The following RYR2 variants were observed in gnomAD, a reference collection of about 807,000 sequenced individuals.
RYR2 encodes ryanodine receptor 2, also known as cardiac muscle ryanodine receptor-calcium release channel.
In RYR2, 227 loss-of-function variants were observed where a neutral mutation model predicts 601.1. That is an observed-to-expected ratio of 0.38 (90% confidence interval 0.34 to 0.42). The LOEUF is 0.42. RYR2 is among the 10% of genes least tolerant of loss of function. RYR2 has a pLI of 1.00. For synonymous variants in RYR2, 2,223 were observed against 2,175.1 expected, an observed-to-expected ratio of 1.02 and a Z score of -0.61; for missense variants, 4,646 against 6,156.5, an observed-to-expected ratio of 0.75 and a Z score of 8.21.
chr1:237,059,177 T>G (rs1224638098), intron 1 of RYR2, among the ~76,000 whole-genome samples: 5 of 152,074 alleles, frequency 3.3e-5, no homozygotes, highest in African/African-American at 1.2e-4. Flanking sequence ...ATGGGCAAAC[T>G]AAAGCCCACA....
At position 237,784,553 on chromosome 1, in the gene RYR2, A is replaced by G; in HGVS notation, c.12841A>G (p.Thr4281Ala). ...AAAGATGACCGTGAAGGACATGGTC[A>G]CGGCCTTCTTTTCATCCTACTGGAG... ...VKKMTVKDMV[T>A]AFFSSYWSIF... The change falls in exon 90 of 105, where the codon ACG (threonine) becomes GCG (alanine). Residue 4281 changes from threonine to alanine, a missense_variant. Physicochemically the swap from Thr to Ala is moderately conservative, Grantham distance 58 (BLOSUM62 0). Transcript: ENST00000366574. This position sits in a 1 kb window ranked among gnomAD's most constrained non-coding sequence, Gnocchi z 7.1. The G allele has an allele frequency of 6.2e-7, 1 of 1,613,978 alleles. No individual in the cohort carries two copies. Among genetic ancestry groups the G allele is most frequent in the Non-Finnish European group, 8.5e-7 (1 of 1,179,878 alleles).
chr1:237,760,654 C>T (rs1482319944), intron 83 of RYR2, among the ~76,000 whole-genome samples: 1 of 152,034 alleles, frequency 6.6e-6, no homozygotes, highest in African/African-American at 2.4e-5. Flanking sequence ...ACTGCAAAAA[C>T]ATAATTATTA....
Position 237,511,798 on chromosome 1 carries a change from T to G in RYR2, c.2822+7T>G. Reference sequence around the variant, plus strand: ...TGTCGCTTGAGACCCTGAAGTGAGTTTCTTAACTTTTTCTATTTTCCAACC... The same window carrying G: ...TGTCGCTTGAGACCCTGAAGTGAGTGTCTTAACTTTTTCTATTTTCCAACC... On this transcript the variant is annotated splice_region_variant and intron_variant, in intron 24 of 104. Transcript: ENST00000366574. 1 of 1,393,422 alleles carries G rather than the reference T, an allele frequency of 7.2e-7. No homozygotes were observed. Among genetic ancestry groups the G allele is most frequent in the Non-Finnish European group, 9.6e-7 (1 of 1,046,220 alleles). The allele number at this position is 1,393,422 out of a possible 1,614,324, so 86.3% of individuals were successfully genotyped here. A position where few individuals can be genotyped will look rare whatever the true frequency, so the allele number is the denominator to read the frequency against.
In RYR2 at chr1:237,700,220, A is replaced by G. The variant is rs992812963; in HGVS notation, c.9129-9A>G. On this transcript the variant is annotated splice_polypyrimidine_tract_variant and intron_variant, in intron 64 of 104. Transcript: ENST00000366574. ...GGAAGATACGAGTCCTCCCTTATTTACTTTCTAGGACAGTGATGAAGACTG... is the reference window on the plus strand; with the variant it reads ...GGAAGATACGAGTCCTCCCTTATTTGCTTTCTAGGACAGTGATGAAGACTG... 2.0e-5 allele frequency: 29 copies of G among 1,486,880 alleles called. No homozygotes were observed. The Admixed American group carries it at 3.2e-4, about 16-fold the overall frequency. 92.1% of individuals were successfully genotyped at this position (1,486,880 alleles called of 1,614,324 possible).
At chr1:237,547,893 A>C (rs1393056125) in intron 25 of RYR2, among the ~76,000 whole-genome samples, 1 of 152,178 alleles carries the variant, frequency 6.6e-6, no homozygotes, top group African/African-American at 2.4e-5. Context: ...TCTAGTCTCT[A>C]TCTTATTTAG....
intron 3 of RYR2, among the ~76,000 whole-genome samples, chr1:237,351,854 CAAA>C (rs33955032): frequency 0.013 from 537 of 40,922 alleles, 2 homozygotes; most frequent in African/African-American, 0.045. Flanking sequence ...AAAGACCATG[CAAA>C]AAAAAAAAAA....
intron 63 of RYR2, among the ~76,000 whole-genome samples, chr1:237,697,596 T>C (rs1337758611): frequency 6.7e-6 from 1 of 148,440 alleles, no homozygotes; most frequent in Non-Finnish European, 1.5e-5. Flanking sequence ...TTTTGCTAAA[T>C]GATTTTTTTT....
chr1:237,268,283 A>G (rs1689266278), intron 1 of RYR2, among the ~76,000 whole-genome samples: 1 of 152,188 alleles, frequency 6.6e-6, no homozygotes, highest in Non-Finnish European at 1.5e-5. Context: ...GGTGAGACAA[A>G]ATAGTAAAAG....
At chr1:237,227,484 A>C (rs1304443314) in intron 1 of RYR2, among the ~76,000 whole-genome samples, 1 of 152,250 alleles carries the variant, frequency 6.6e-6, no homozygotes, top group African/African-American at 2.4e-5. Flanking sequence ...TGTCAAATAA[A>C]GTAAGTTTTG....
chr1:237,508,259 G>A (rs967767398), intron 23 of RYR2, among the ~76,000 whole-genome samples: 10 of 151,860 alleles, frequency 6.6e-5, no homozygotes, highest in African/African-American at 1.2e-4. Flanking sequence ...AGGCATGCCC[G>A]GCCTCATCAA....
chr1:237,698,105 AGT>A (rs3999833), intron 63 of RYR2, among the ~76,000 whole-genome samples: 32,871 of 139,576 alleles, frequency 0.24, 3,599 homozygotes, highest in East Asian at 0.26. Flanking sequence ...AGGAGATGAT[AGT>A]GTGTGTGTGT....
chr1:237,800,482 T>A (rs188260100), intron 97 of RYR2, among the ~76,000 whole-genome samples: 2 of 152,036 alleles, frequency 1.3e-5, no homozygotes, highest in African/African-American at 4.8e-5. Context: ...GTGAAAAAAA[T>A]CTCCTAAAAA....
intron 3 of RYR2, among the ~76,000 whole-genome samples, chr1:237,340,171 C>G (rs1572655175): frequency 6.6e-6 from 1 of 152,134 alleles, no homozygotes; most frequent in South Asian, 2.1e-4. Flanking sequence ...AAACTAGGAC[C>G]AACAAGTAAA....
chr1:237,114,729 T>C (rs1669870637), intron 1 of RYR2, among the ~76,000 whole-genome samples: 1 of 152,216 alleles, frequency 6.6e-6, no homozygotes, highest in Non-Finnish European at 1.5e-5. Flanking sequence ...GGAGCTAGAC[T>C]GCCTGGCTTC....
chr1:237,625,230 C>T lies in RYR2; in HGVS notation c.6023-431C>T, dbSNP rs1679525079. Among the ~76,000 whole-genome samples the T allele has an allele frequency of 2.0e-5, 3 of 152,172 alleles. No homozygotes were observed. The South Asian group carries it at 6.2e-4, about 32-fold the overall frequency. On this transcript the variant is annotated intron_variant, in intron 39 of 104. Coordinates refer to ENST00000366574, the MANE Select transcript of RYR2 (RefSeq NM_001035.3). ...TATGCCTGTTCTCTCTGTTTCTCAA[C>T]TAACCAAAATACTGCTAAAATTTTT...
intron 26 of RYR2, among the ~76,000 whole-genome samples, chr1:237,550,264 C>T (rs970612490): frequency 2.6e-5 from 4 of 152,138 alleles, no homozygotes; most frequent in Admixed American, 1.3e-4. Context: ...GCCATGTGAA[C>T]GTGGCAGATG....
intron 14 of RYR2, among the ~76,000 whole-genome samples, chr1:237,447,289 T>C (rs1472596715): frequency 6.6e-6 from 1 of 151,752 alleles, no homozygotes; most frequent in Non-Finnish European, 1.5e-5. Flanking sequence ...ATAAGTGACA[T>C]TTTTTTATGC....
In RYR2 at chr1:237,410,870, C is replaced by T. The variant is rs367978156; in HGVS notation, c.774-6179C>T. On this transcript the variant is annotated intron_variant, in intron 10 of 104. Transcript: ENST00000366574. ...GAGAGAAGGTAGGAAAAGAAGTATT[C>T]TTTTAATCTATATAATGTATGCATT... is the stretch of plus-strand genomic sequence containing the variant. 2.0e-5 allele frequency among the ~76,000 whole-genome samples: 3 copies of T among 152,110 alleles called. No homozygotes were observed. In the East Asian group the frequency reaches 5.8e-4, roughly 29 times the overall value.
rs1035800045 is a variant in RYR2, at chr1:237,334,627, C to T, written c.273+3645C>T. ...GAGGATGGAGACAGTACACAGGCAA[C>T]GAGAAGGAGAAGGTGTCTGTTGAGC... is the stretch of plus-strand genomic sequence containing the variant. On this transcript the variant is annotated intron_variant, in intron 3 of 104. Transcript: ENST00000366574. Among the ~76,000 whole-genome samples, 264 of 152,182 alleles carry T rather than the reference C, an allele frequency of 1.7e-3. 2 individuals are homozygous for T. The highest frequency in any genetic ancestry group is 3.4e-4 in the Non-Finnish European group (23 of 67,998).
Sources: allele counts gnomAD v4.1 joint callset (sites outside exome capture counted in the v4.1 genomes callset), GRCh38; gene constraint gnomAD v4.1.1; non-coding constraint Gnocchi (gnomAD v3.1); transcripts MANE v1.5; gene names NCBI Gene and HGNC (gene_info 2026-07-23, HGNC 2026-07-21).